FBXW8: variants seen among roughly 807,000 people sequenced by gnomAD.
FBXW8 encodes F-box and WD repeat domain containing 8.
Under a neutral mutation model 65.3 loss-of-function variants are expected in FBXW8, and 57 were observed. The ratio of observed to expected loss-of-function variants is 0.87; its 90% CI spans 0.71 to 1.09. The LOEUF (loss-of-function observed/expected upper bound fraction) is 1.09, where lower values mean the gene tolerates loss of function less well. Ranked by LOEUF, FBXW8 falls within the 50% of genes least tolerant of loss-of-function variation. The probability of loss-of-function intolerance (pLI) is 0.00; values close to 1 mark genes in which losing one functional copy is unlikely to be tolerated. For missense variants in FBXW8, 777 were observed against 814.8 expected (o/e 0.95, Z 0.57); for synonymous variants, 308 against 330.2 (o/e 0.93, Z 0.73).
chr12:116,953,338 C>T (rs921740279), intron 4 of FBXW8, among the ~76,000 whole-genome samples: 5 of 152,158 alleles, frequency 3.3e-5, no homozygotes, highest in South Asian at 2.1e-4. Flanking sequence ...TGAGTGGAGC[C>T]GCTCCGCTGT....
At chr12:116,982,485 G>A (rs113922328) in intron 5 of FBXW8, among the ~76,000 whole-genome samples, 3,607 of 152,252 alleles carry the variant, frequency 0.024, 53 homozygotes, top group Non-Finnish European at 0.038. Flanking sequence ...AACTGTGCAC[G>A]TGATATCAGC....
intron 1 of FBXW8, 45 bp downstream of exon 1, chr12:116,911,400 C>T (rs1879928954): frequency 8.2e-7 from 1 of 1,222,618 alleles, no homozygotes; most frequent in Non-Finnish European, 1.0e-6. Flanking sequence ...GCGCCGGCCC[C>T]CGCCCCCAGG....
intron 5 of FBXW8, among the ~76,000 whole-genome samples, chr12:116,966,248 T>A (rs1884319641): frequency 1.3e-5 from 2 of 152,210 alleles, no homozygotes; most frequent in South Asian, 4.1e-4. Flanking sequence ...AGCTTGAACA[T>A]GTTTGCTACT....
intron 7 of FBXW8, among the ~76,000 whole-genome samples, chr12:116,993,759 A>G (rs1317160878): frequency 6.6e-6 from 1 of 152,100 alleles, no homozygotes; most frequent in Non-Finnish European, 1.5e-5. Context: ...ATTAGGTGTC[A>G]TTTATTTGTT....
chr12:116,982,399 T>C (rs539813656), intron 5 of FBXW8, among the ~76,000 whole-genome samples: 3 of 152,192 alleles, frequency 2.0e-5, no homozygotes, highest in Non-Finnish European at 4.4e-5. Context: ...CGAGGGACTT[T>C]GCCTGTGATA....
chr12:117,028,448 G>C lies in FBXW8; in HGVS notation c.*276G>C. On this transcript the variant is annotated 3_prime_UTR_variant, in exon 11 of 11. Transcript: ENST00000652555. This position sits in a 1 kb window ranked among gnomAD's most constrained non-coding sequence, Gnocchi z 4.1. ...ACCCTGGCCTCAGCTCCCTCAGGACGCCTCAGGGATCTCGCTGCGCGGTCC... is the reference window on the plus strand; with the variant it reads ...ACCCTGGCCTCAGCTCCCTCAGGACCCCTCAGGGATCTCGCTGCGCGGTCC... 2.0e-6 allele frequency: 1 copy of C among 492,128 alleles called. No individual in the cohort carries two copies. Among genetic ancestry groups the C allele is most frequent in the Non-Finnish European group, 3.7e-6 (1 of 269,668 alleles). 30.5% of individuals were successfully genotyped at this position (492,128 alleles called of 1,614,324 possible). A position where few individuals can be genotyped will look rare whatever the true frequency, so the allele number is the denominator to read the frequency against.
rs575513335 is a variant in FBXW8 at position 117,003,648 on chromosome 12, C to T, written c.1240-6675C>T. ...TAAGGACTTGGTCACAAGTGTTTTCCGTGTTTCTTTCTTACAGCACCTTCA... is the reference window on the plus strand; with the variant it reads ...TAAGGACTTGGTCACAAGTGTTTTCTGTGTTTCTTTCTTACAGCACCTTCA... On this transcript the variant is annotated intron_variant, in intron 7 of 10. Coordinates refer to ENST00000652555, the MANE Select transcript of FBXW8 (RefSeq NM_153348.3). 1.2e-4 allele frequency among the ~76,000 whole-genome samples: 18 copies of T among 152,268 alleles called. No individual in the cohort carries two copies. In the South Asian group the frequency reaches 2.9e-3, roughly 25 times the overall value.
intron 1 of FBXW8, among the ~76,000 whole-genome samples, chr12:116,915,095 C>G (rs1196918356): frequency 6.6e-6 from 1 of 152,216 alleles, no homozygotes; most frequent in African/African-American, 2.4e-5. Context: ...AATAAACCTA[C>G]TCCTTCTCTC....
At chr12:117,021,186 TTGTAGTTTTACTG>T (rs1217095890) in intron 8 of FBXW8, among the ~76,000 whole-genome samples, 1 of 152,254 alleles carries the variant, frequency 6.6e-6, no homozygotes, top group African/African-American at 2.4e-5. Context: ...TGGCATTGCA[TTGTAGTTTTACTG>T]TGTAATTTAT....
intron 9 of FBXW8, among the ~76,000 whole-genome samples, chr12:117,025,653 C>G (rs1024149900): frequency 6.6e-6 from 1 of 152,232 alleles, no homozygotes; most frequent in African/African-American, 2.4e-5. Context: ...GGCCCGCCCC[C>G]TCGCTGTGGC....
chr12:116,987,713 AAC>A (rs1410001267), intron 6 of FBXW8, among the ~76,000 whole-genome samples: 4 of 149,706 alleles, frequency 2.7e-5, no homozygotes, highest in Non-Finnish European at 4.4e-5. Context: ...ACAAACAAAA[AAC>A]ACAACAAAAC....
intron 2 of FBXW8, 70 bp from the exon 3 acceptor site, chr12:116,945,294 T>C: frequency 6.6e-7 from 1 of 1,514,656 alleles, no homozygotes; most frequent in Non-Finnish European, 9.0e-7. Context: ...TAGGTGTTGA[T>C]TGATTTTTGG....
rs1431807319 is a variant in FBXW8 at position 116,945,366 on chromosome 12, G to T, written c.426G>T (p.Val142=). 2.5e-6 allele frequency: 4 copies of T among 1,609,872 alleles called. No homozygotes were observed. The South Asian group carries it at 3.3e-5, about 13-fold the overall frequency. The stretch of plus-strand genomic sequence containing the variant: ...TTGTGTCACTTCTGCTGTTTTAGGT[G>T]AGCAAGACGTGGAAGGTGATTGCAG... ...DRKELGRCAQ[V]SKTWKVIAED... is the part of the protein sequence containing the mutation. Residue 142 remains valine, a splice_region_variant and synonymous_variant, in exon 3 of 11, where the codon GTG becomes GTT. Transcript: ENST00000652555.
chr12:116,917,948 C>T (rs996347265), intron 1 of FBXW8, among the ~76,000 whole-genome samples: 6 of 148,460 alleles, frequency 4.0e-5, no homozygotes, highest in Non-Finnish European at 8.9e-5. Flanking sequence ...GCCGAGATTG[C>T]GCCACTGCAC....
At chr12:116,983,433 G>A (rs759539213) in intron 5 of FBXW8, among the ~76,000 whole-genome samples, 34 of 152,184 alleles carry the variant, frequency 2.2e-4, no homozygotes, top group Non-Finnish European at 4.0e-4. Flanking sequence ...GCAACATTTA[G>A]CTTGAAGAAG....
intron 7 of FBXW8, among the ~76,000 whole-genome samples, chr12:117,006,517 G>A (rs1377562186): frequency 3.9e-5 from 6 of 152,254 alleles, no homozygotes; most frequent in East Asian, 3.8e-4. Context: ...GCCTGCCCAC[G>A]GCGGTGGCTG....
At chr12:116,918,574 T>C (rs1349767380) in intron 1 of FBXW8, among the ~76,000 whole-genome samples, 1 of 152,196 alleles carries the variant, frequency 6.6e-6, no homozygotes, top group Non-Finnish European at 1.5e-5. Flanking sequence ...GCAACTCTAG[T>C]CTTCTATCTG....
Position 117,025,684 on chromosome 12 carries a change from C to G in FBXW8, c.1541+1364C>G, listed in dbSNP as rs559917942. 2.0e-5 allele frequency among the ~76,000 whole-genome samples: 3 copies of G among 152,300 alleles called. No individual in the cohort carries two copies. The South Asian group carries it at 6.2e-4, about 32-fold the overall frequency. ...GTGGCTGTGCCTGTTGAGGGCGCCT[C>G]GGCCCTTTTTCTGAATGGTGATGCA... On this transcript the variant is annotated intron_variant, in intron 9 of 10. Coordinates refer to ENST00000652555, the MANE Select transcript of FBXW8 (RefSeq NM_153348.3).
At chr12:116,919,168 T>C (rs1391488521) in intron 1 of FBXW8, among the ~76,000 whole-genome samples, 1 of 152,242 alleles carries the variant, frequency 6.6e-6, no homozygotes, top group African/African-American at 2.4e-5. Context: ...TGTTTTCTGT[T>C]CATCCAACAT....
Sources: allele counts gnomAD v4.1 joint callset (sites outside exome capture counted in the v4.1 genomes callset), GRCh38; gene constraint gnomAD v4.1.1; non-coding constraint Gnocchi (gnomAD v3.1); transcripts MANE v1.5; gene names NCBI Gene and HGNC (gene_info 2026-07-23, HGNC 2026-07-21).